The following QTGAL variants were observed in gnomAD, a reference collection of about 807,000 sequenced individuals.
QTGAL encodes queuosine-tRNA galactosyltransferase, also known as BGnT-like protein 1.
At chr17:82,967,850 C>T in the QTGAL span, among the ~76,000 whole-genome samples, 1 of 151,854 alleles carries the variant, frequency 6.6e-6, no homozygotes, top group East Asian at 1.9e-4. Flanking sequence ...TGGGAGGATC[C>T]TTTGAGCTCC....
At chr17:82,950,568 T>C in the QTGAL span, among the ~76,000 whole-genome samples, 3 of 152,194 alleles carry the variant, frequency 2.0e-5, no homozygotes, top group Non-Finnish European at 4.4e-5. Flanking sequence ...TGGACAACGG[T>C]TATTCAAAGG....
the QTGAL span, chr17:82,946,826 A>G: frequency 1.6e-5 from 22 of 1,379,096 alleles, no homozygotes; most frequent in Non-Finnish European, 2.1e-5. Flanking sequence ...TGAAAAGGAA[A>G]TGAAACATAA....
chr17:83,019,373 C>T, the QTGAL span, among the ~76,000 whole-genome samples: 1 of 152,200 alleles, frequency 6.6e-6, no homozygotes, highest in Admixed American at 6.5e-5. Context: ...TTCAAATTAT[C>T]ACGCACAAAA....
chr17:82,944,813 G>C, the QTGAL span: 1 of 152,200 alleles, frequency 6.6e-6, no homozygotes, highest in Non-Finnish European at 1.5e-5. Flanking sequence ...ACGCTATTTT[G>C]ATAGCAGAAT....
At chr17:83,030,267 T>C in the QTGAL span, among the ~76,000 whole-genome samples, 2 of 152,092 alleles carry the variant, frequency 1.3e-5, no homozygotes, top group Admixed American at 6.5e-5. Context: ...GAGAGGAAAA[T>C]CTTATGTTAG....
the QTGAL span, among the ~76,000 whole-genome samples, chr17:83,011,941 ACTC>A: frequency 6.7e-6 from 1 of 148,804 alleles, no homozygotes; most frequent in African/African-American, 2.5e-5. Context: ...CACGCCACGA[ACTC>A]CTCGTATCCA....
At chr17:82,942,843 G>C in the QTGAL span, 1 of 330,854 alleles carries the variant, frequency 3.0e-6, no homozygotes, top group Non-Finnish European at 5.6e-6. Flanking sequence ...TGCTGTCCCT[G>C]CTGTGGGAGA....
At chr17:83,033,059 G>A in the QTGAL span, among the ~76,000 whole-genome samples, 1 of 152,212 alleles carries the variant, frequency 6.6e-6, no homozygotes, top group Non-Finnish European at 1.5e-5. Context: ...CGGCACCCCA[G>A]GAATGCACAG....
At chr17:83,044,672 G>T in the QTGAL span, among the ~76,000 whole-genome samples, 1 of 152,240 alleles carries the variant, frequency 6.6e-6, no homozygotes, top group African/African-American at 2.4e-5. Context: ...AGCCAGGCGC[G>T]GCGGCTCACG....
At chr17:83,015,876 C>T in the QTGAL span, among the ~76,000 whole-genome samples, 22 of 152,336 alleles carry the variant, frequency 1.4e-4, no homozygotes, top group African/African-American at 3.4e-4. This position sits in a 1 kb window ranked among gnomAD's most constrained non-coding sequence, Gnocchi z 4.4. Context: ...CCCCCACCAT[C>T]GGTCTGTGAA....
the QTGAL span, among the ~76,000 whole-genome samples, chr17:83,040,208 A>G: frequency 7.9e-3 from 1,196 of 152,296 alleles, 18 homozygotes; most frequent in African/African-American, 0.027. Flanking sequence ...AGACTCAGGC[A>G]CTGGTTTTCT....
the QTGAL span, among the ~76,000 whole-genome samples, chr17:82,980,412 C>A: frequency 6.6e-6 from 1 of 152,178 alleles, no homozygotes; most frequent in East Asian, 1.9e-4. Context: ...CCAACACCAT[C>A]TACCTGGAGA....
chr17:82,964,030 G>GT, the QTGAL span, among the ~76,000 whole-genome samples: 4 of 134,694 alleles, frequency 3.0e-5, no homozygotes, highest in South Asian at 2.4e-4. Context: ...GCTGAGGTCG[G>GT]GGGGGTGGAT....
the QTGAL span, among the ~76,000 whole-genome samples, chr17:82,958,788 C>A: frequency 2.5e-5 from 3 of 118,836 alleles, no homozygotes; most frequent in East Asian, 4.5e-4. Context: ...CTTGGGGACA[C>A]TGAAGCATGT....
chr17:82,959,100 A>G, the QTGAL span, among the ~76,000 whole-genome samples: 3 of 106,944 alleles, frequency 2.8e-5, no homozygotes, highest in African/African-American at 3.9e-5. Context: ...GTGGGGGTGT[A>G]TGGTGTGTGT....
the QTGAL span, among the ~76,000 whole-genome samples, chr17:83,050,574 A>C: frequency 3.9e-5 from 6 of 152,206 alleles, no homozygotes; most frequent in Admixed American, 6.5e-5. Flanking sequence ...GGCTGGAAAA[A>C]AAACAAACAA....
chr17:83,027,941 C>T, the QTGAL span, among the ~76,000 whole-genome samples: 2 of 151,680 alleles, frequency 1.3e-5, no homozygotes, highest in African/African-American at 4.8e-5. Flanking sequence ...TGGGGAAACC[C>T]CATCTCTACT....
the QTGAL span, among the ~76,000 whole-genome samples, chr17:82,985,863 A>T: frequency 6.2e-5 from 3 of 48,554 alleles, no homozygotes; most frequent in African/African-American, 5.0e-4. Flanking sequence ...TAAGAAAAGC[A>T]TTAAAAATCA....
chr17:83,051,633 G>T, the QTGAL span: 2 of 1,146,232 alleles, frequency 1.7e-6, no homozygotes, highest in Middle Eastern at 5.9e-4. Flanking sequence ...CCCGAGAGGC[G>T]GTGCGGGGCT....
Sources: gnomAD v4.1 joint callset for allele counts (sites outside exome capture counted in the v4.1 genomes callset) on GRCh38, gnomAD v4.1.1 for gene constraint, Gnocchi (gnomAD v3.1) non-coding constraint, MANE v1.5 for transcripts, NCBI Gene and HGNC (gene_info 2026-07-23, HGNC 2026-07-21) for gene names.